TCF24: variants seen among roughly 807,000 people sequenced by gnomAD.
The protein encoded by TCF24 is transcription factor 24.
A neutral mutation model predicts 9.3 loss-of-function variants in TCF24; 5 were observed. That is an observed-to-expected ratio of 0.54 (90% CI 0.28 to 1.13). The LOEUF (loss-of-function observed/expected upper bound fraction) is 1.13. TCF24 is among the 50% of genes most tolerant of loss of function. TCF24 has a pLI of 0.09. For missense variants in TCF24, 220 were observed against 236.1 expected (o/e 0.93, Z 0.45); for synonymous variants, 110 against 115.8 (o/e 0.95, Z 0.32).
intron 3 of TCF24, among the ~76,000 whole-genome samples, chr8:66,950,698 C>T (rs1250712343): frequency 5.3e-5 from 8 of 152,132 alleles, no homozygotes; most frequent in Admixed American, 3.3e-4. Flanking sequence ...GCCATTTTCA[C>T]GACATTGATT....
chr8:66,956,982 A>G (rs1814165692), intron 3 of TCF24, among the ~76,000 whole-genome samples: 1 of 151,888 alleles, frequency 6.6e-6, no homozygotes, highest in Non-Finnish European at 1.5e-5. Flanking sequence ...AGGCGGGCAG[A>G]TTACAAGGTC....
intron 3 of TCF24, 111 bp downstream of exon 3, chr8:66,961,265 C>G (rs1160050782): frequency 7.8e-7 from 1 of 1,283,558 alleles, no homozygotes; most frequent in Non-Finnish European, 9.9e-7. Flanking sequence ...CGGTCGGCTT[C>G]CCGCCTCACC....
intron 3 of TCF24, among the ~76,000 whole-genome samples, chr8:66,957,111 C>CAA (rs1165600722): frequency 0.018 from 287 of 15,724 alleles, 38 homozygotes; most frequent in Middle Eastern, 0.038. Context: ...GACTCCGTCT[C>CAA]AAAAAAAAAA....
intron 3 of TCF24, among the ~76,000 whole-genome samples, chr8:66,960,633 T>C (rs1027872365): frequency 2.6e-5 from 4 of 152,222 alleles, no homozygotes; most frequent in African/African-American, 9.7e-5. Flanking sequence ...CCATGTTAAG[T>C]GAAAACTGTG....
intron 3 of TCF24, among the ~76,000 whole-genome samples, chr8:66,957,486 G>A (rs1814178474): frequency 6.6e-6 from 1 of 151,098 alleles, no homozygotes; most frequent in Non-Finnish European, 1.5e-5. Flanking sequence ...TGAGAACACA[G>A]AGAGAAGTGG....
At chr8:66,957,895 TAAAAA>T (rs11299517) in intron 3 of TCF24, among the ~76,000 whole-genome samples, 1 of 43,036 alleles carries the variant, frequency 2.3e-5, no homozygotes, top group Admixed American at 3.5e-4. Flanking sequence ...TAAGAATTGC[TAAAAA>T]AAAAAAAAAA....
At chr8:66,962,008 G>A (rs1042164126) in intron 1 of TCF24, 21 bp from the exon 2 acceptor site, 42 of 175,766 alleles carry the variant, frequency 2.4e-4, no homozygotes, top group Middle Eastern at 4.9e-3. Flanking sequence ...AAGAAGAGGC[G>A]CAGTGCCGGC....
chr8:66,955,968 G>A (rs567608689), intron 3 of TCF24, among the ~76,000 whole-genome samples: 4 of 151,878 alleles, frequency 2.6e-5, no homozygotes, highest in African/African-American at 9.7e-5. Flanking sequence ...GTCTCATTCT[G>A]CTGCACAGGC....
At chr8:66,957,439 G>A (rs1409903309) in intron 3 of TCF24, among the ~76,000 whole-genome samples, 1 of 149,934 alleles carries the variant, frequency 6.7e-6, no homozygotes, top group Non-Finnish European at 1.5e-5. Flanking sequence ...AAAAAAAAGA[G>A]GAATCTCTCT....
chr8:66,948,705 A>G (rs554854997), intron 3 of TCF24, among the ~76,000 whole-genome samples: 2 of 138,204 alleles, frequency 1.4e-5, no homozygotes, highest in Non-Finnish European at 3.2e-5. Context: ...CTATCTATCT[A>G]TTTTTTTTGA....
chr8:66,958,693 T>C (rs1814206772), intron 3 of TCF24, among the ~76,000 whole-genome samples: 1 of 152,106 alleles, frequency 6.6e-6, no homozygotes, highest in Admixed American at 6.5e-5. Flanking sequence ...CTTAATTAAG[T>C]GACTCAAAAG....
intron 3 of TCF24, among the ~76,000 whole-genome samples, chr8:66,953,936 TTCAGCTCCA>T: frequency 6.6e-6 from 1 of 151,846 alleles, no homozygotes; most frequent in Non-Finnish European, 1.5e-5. Flanking sequence ...AGCCTTGGTT[TTCAGCTCCA>T]TCAGCTCCTT....
At chr8:66,951,987 TTTTC>T (rs532226612) in intron 3 of TCF24, among the ~76,000 whole-genome samples, 1 of 147,162 alleles carries the variant, frequency 6.8e-6, no homozygotes, top group African/African-American at 2.5e-5. Context: ...TTCTCTCTTT[TTTTC>T]TTTATTAGTC....
At chr8:66,954,708 C>T (rs530557421) in intron 3 of TCF24, among the ~76,000 whole-genome samples, 21 of 152,370 alleles carry the variant, frequency 1.4e-4, no homozygotes, top group African/African-American at 5.0e-4. Flanking sequence ...TGCCGCCTTG[C>T]AGTTTGATCT....
At chr8:66,956,496 G>A (rs79470750) in intron 3 of TCF24, among the ~76,000 whole-genome samples, 3 of 152,142 alleles carry the variant, frequency 2.0e-5, no homozygotes, top group Admixed American at 6.5e-5. Context: ...CCAAGTAGCT[G>A]GGATTACAGG....
chr8:66,962,136 C>G (rs1814269574), intron 1 of TCF24, 149 bp from the exon 2 acceptor site: 1 of 152,598 alleles, frequency 6.6e-6, no homozygotes, highest in African/African-American at 2.4e-5. Context: ...CAACCCGGCA[C>G]GCACGAGAGG....
intron 3 of TCF24, among the ~76,000 whole-genome samples, chr8:66,957,895 T>TAAAA (rs11299517): frequency 3.5e-4 from 15 of 43,058 alleles, no homozygotes; most frequent in Non-Finnish European, 4.3e-4. Context: ...TAAGAATTGC[T>TAAAA]AAAAAAAAAA....
intron 3 of TCF24, among the ~76,000 whole-genome samples, chr8:66,949,477 G>A (rs1455814564): frequency 1.3e-5 from 2 of 152,184 alleles, no homozygotes; most frequent in Non-Finnish European, 2.9e-5. Flanking sequence ...GTGTATATGT[G>A]ACAAATTTTC....
chr8:66,949,405 T>G (rs1814020838), intron 3 of TCF24, among the ~76,000 whole-genome samples: 1 of 152,186 alleles, frequency 6.6e-6, no homozygotes, highest in African/African-American at 2.4e-5. Flanking sequence ...ATTTCCAATT[T>G]CATCCATGTC....
Sources: gnomAD v4.1 joint callset for allele counts (sites outside exome capture counted in the v4.1 genomes callset) on GRCh38, gnomAD v4.1.1 for gene constraint, MANE v1.5 for transcripts, NCBI Gene and HGNC (gene_info 2026-07-23, HGNC 2026-07-21) for gene names.